The following ATXN10 variants were observed in gnomAD, a reference collection of about 807,000 sequenced individuals.
ATXN10 encodes ataxin-10.
ATXN10 carries 28 observed loss-of-function variants against 52.9 expected under a neutral mutation model. The ratio of observed to expected loss-of-function variants is 0.53; its 90% CI spans 0.39 to 0.73. ATXN10 has a LOEUF of 0.73. Among genes scored for constraint, ATXN10 ranks in the 30% least tolerant of loss-of-function variants. The probability of loss-of-function intolerance (pLI) is 0.00; values close to 1 mark genes in which losing one functional copy is unlikely to be tolerated. For missense variants in ATXN10, 565 were observed against 577.0 expected (o/e 0.98, Z 0.21); for synonymous variants, 226 against 221.5 (o/e 1.02, Z -0.18).
chr22:45,756,157 T>TA (rs1281020033), intron 9 of ATXN10, among the ~76,000 whole-genome samples: 5 of 151,908 alleles, frequency 3.3e-5, no homozygotes, highest in Admixed American at 1.3e-4. Flanking sequence ...CTTTTTTTTT[T>TA]TTTAAAGAGA....
chr22:45,740,253 C>A, intron 8 of ATXN10, 116 bp from the exon 9 acceptor site: 2 of 972,190 alleles, frequency 2.1e-6, no homozygotes, highest in Non-Finnish European at 3.2e-6. Flanking sequence ...ATAAAGCTTT[C>A]TGTGCTCTAC....
In ATXN10 at chr22:45,795,354, GATTCTATTCTATTCTATTCT is replaced by G. The variant is rs60726084; in HGVS notation, c.1174-11554_1174-11535del. On this transcript the variant is annotated intron_variant, in intron 9 of 11. Coordinates refer to ENST00000252934, the MANE Select transcript of ATXN10 (RefSeq NM_013236.4). The surrounding 1 kb of genome is among the most constrained non-coding windows in gnomAD (Gnocchi z 4.6). ...ATCCAACTAAAAGACTACTAGAATGGATTCTATTCTATTCTATTCTATTCTATTCTATTCTATTCTATTCT... is the reference window on the plus strand; with the variant it reads ...ATCCAACTAAAAGACTACTAGAATGGATTCTATTCTATTCTATTCTATTCT... Among the ~76,000 whole-genome samples the G allele has an allele frequency of 3.5e-3, 441 of 126,640 alleles. 1 individual carries two copies. The highest frequency in any genetic ancestry group is 7.6e-3 in the African/African-American group (252 of 33,334). 83.1% of individuals were successfully genotyped at this position (126,640 alleles called of 152,430 possible).
chr22:45,693,210 T>TTCAC, intron 3 of ATXN10, 132 bp downstream of exon 3: 4 of 775,378 alleles, frequency 5.2e-6, no homozygotes, highest in Non-Finnish European at 8.6e-6. Flanking sequence ...TAATAGTGAA[T>TTCAC]TATTAAAGAA....
chr22:45,720,669 C>G (rs2146777455), intron 6 of ATXN10, among the ~76,000 whole-genome samples: 1 of 152,252 alleles, frequency 6.6e-6, no homozygotes, highest in South Asian at 2.1e-4. Flanking sequence ...TGGCTACTAT[C>G]AACAAACTGA....
At chr22:45,729,720 G>T (rs1243232642) in intron 7 of ATXN10, 130 bp downstream of exon 7, 4 of 1,033,374 alleles carry the variant, frequency 3.9e-6, no homozygotes, top group Non-Finnish European at 5.8e-6. Context: ...ATCCATATAT[G>T]AGAATAGTTG....
At chr22:45,760,808 C>G (rs1199970164) in intron 9 of ATXN10, among the ~76,000 whole-genome samples, 1 of 152,014 alleles carries the variant, frequency 6.6e-6, no homozygotes, top group Non-Finnish European at 1.5e-5. Context: ...TCATTTTAAG[C>G]CTCTTAGATT....
rs1319331617 is a variant in ATXN10, at chr22:45,705,457, G to A, written c.647+2610G>A. On this transcript the variant is annotated intron_variant, in intron 5 of 11. Coordinates refer to ENST00000252934, the MANE Select transcript of ATXN10 (RefSeq NM_013236.4). This position sits in a 1 kb window ranked among gnomAD's most constrained non-coding sequence, Gnocchi z 5.2. ...AGGTCTTGGTTTTTTTTTTTGAGACGGAGTCTCACTCTGTTGCCCAGGCTG... is the reference window on the plus strand; with the variant it reads ...AGGTCTTGGTTTTTTTTTTTGAGACAGAGTCTCACTCTGTTGCCCAGGCTG... Among the ~76,000 whole-genome samples, 4 of 150,812 alleles carry A rather than the reference G, an allele frequency of 2.7e-5. No homozygotes were observed. The highest frequency in any genetic ancestry group is 2.1e-4 in the South Asian group (1 of 4,782).
At chr22:45,747,405 A>G (rs1925773802) in intron 9 of ATXN10, among the ~76,000 whole-genome samples, 1 of 152,094 alleles carries the variant, frequency 6.6e-6, no homozygotes, top group Non-Finnish European at 1.5e-5. Context: ...TTGGGAGACT[A>G]AGGTAGGAGG....
At chr22:45,812,382 C>G (rs566874962) in intron 10 of ATXN10, among the ~76,000 whole-genome samples, 2 of 152,050 alleles carry the variant, frequency 1.3e-5, no homozygotes, top group East Asian at 3.9e-4. Flanking sequence ...AGATAGATAC[C>G]TGAATGGGAA....
intron 10 of ATXN10, chr22:45,811,890 A>C (rs1484224933): frequency 4.6e-6 from 2 of 431,356 alleles, no homozygotes; most frequent in African/African-American, 4.0e-5. Flanking sequence ...ACCACCTTGC[A>C]TAAGCATGCC....
intron 7 of ATXN10, 98 bp downstream of exon 7, chr22:45,729,688 A>G: frequency 7.6e-7 from 1 of 1,323,126 alleles, no homozygotes. Context: ...AAAAGCTTTA[A>G]AAAATATTAT....
intron 5 of ATXN10, among the ~76,000 whole-genome samples, chr22:45,714,484 A>G (rs1302951457): frequency 6.6e-6 from 1 of 151,966 alleles, no homozygotes; most frequent in Non-Finnish European, 1.5e-5. Context: ...AGGCTCAAGT[A>G]ATCTTCCCTC....
chr22:45,843,223 A>T lies in ATXN10; in HGVS notation c.1425+45A>T, dbSNP rs1301736589. The T allele has an allele frequency of 6.3e-7, 1 of 1,599,878 alleles. No homozygotes were observed. Among genetic ancestry groups the T allele is most frequent in the Non-Finnish European group, 8.6e-7 (1 of 1,167,876 alleles). ...CTGTCCTTCCCTTTGGTTTGTAGAAAGCTGTTTCCACTTCCCCATTGCTTC... is the reference window on the plus strand; with the variant it reads ...CTGTCCTTCCCTTTGGTTTGTAGAATGCTGTTTCCACTTCCCCATTGCTTC... On this transcript the variant is annotated intron_variant, in intron 11 of 11. Transcript: ENST00000252934. The surrounding 1 kb of genome is among the most constrained non-coding windows in gnomAD (Gnocchi z 4.5).
At chr22:45,694,370 G>A (rs1166932915) in intron 3 of ATXN10, among the ~76,000 whole-genome samples, 1 of 151,980 alleles carries the variant, frequency 6.6e-6, no homozygotes, top group East Asian at 1.9e-4. Flanking sequence ...TCTTAATGTA[G>A]GCTGGGTGCC....
In ATXN10 at chr22:45,843,674, G is replaced by T. The variant is rs941815704; in HGVS notation, c.*3G>T. Reference sequence around the variant, plus strand: ...GTTTCTTTCTTCTTCTTTAGTGAATGAACTACATCCAAATACCTGAATTTT... The same window carrying T: ...GTTTCTTTCTTCTTCTTTAGTGAATTAACTACATCCAAATACCTGAATTTT... On this transcript the variant is annotated 3_prime_UTR_variant, in exon 12 of 12. Coordinates refer to ENST00000252934, the MANE Select transcript of ATXN10 (RefSeq NM_013236.4). The surrounding 1 kb of genome is among the most constrained non-coding windows in gnomAD (Gnocchi z 4.5). 4 of 1,611,892 alleles carry T rather than the reference G, an allele frequency of 2.5e-6. No individual in the cohort carries two copies. The African/African-American group carries it at 4.0e-5, about 16-fold the overall frequency.
intron 9 of ATXN10, among the ~76,000 whole-genome samples, chr22:45,748,165 C>T (rs1046709993): frequency 4.0e-5 from 6 of 151,224 alleles, no homozygotes; most frequent in African/African-American, 1.2e-4. Context: ...GGCAACAGAG[C>T]GAGACTCTGT....
intron 6 of ATXN10, among the ~76,000 whole-genome samples, chr22:45,723,656 C>G (rs73441179): frequency 0.013 from 1,946 of 152,174 alleles, 46 homozygotes; most frequent in African/African-American, 0.045. Context: ...GAGTTCTTCA[C>G]TTAGAATAAT....
rs1314748049 is a variant in ATXN10 at position 45,840,861 on chromosome 22, T to A, written c.1238-2130T>A. ...GCTTCTTTCATTTACCATTAGAGAG[T>A]TATACTCATGAACAAAAATTCCCCA... is the stretch of plus-strand genomic sequence containing the variant. On this transcript the variant is annotated intron_variant, in intron 10 of 11. Coordinates refer to ENST00000252934, the MANE Select transcript of ATXN10 (RefSeq NM_013236.4). The surrounding 1 kb of genome is among the most constrained non-coding windows in gnomAD (Gnocchi z 5.8). Among the ~76,000 whole-genome samples the A allele has an allele frequency of 6.6e-6, 1 of 152,176 alleles. No homozygotes were observed. The highest frequency in any genetic ancestry group is 1.5e-5 in the Non-Finnish European group (1 of 68,034).
At chr22:45,734,357 G>A (rs751146046) in intron 7 of ATXN10, 2 of 258,572 alleles carry the variant, frequency 7.7e-6, no homozygotes, top group South Asian at 3.7e-5. Flanking sequence ...TCTTTAAAAT[G>A]CATTTATTAA....
Sources: gnomAD v4.1 joint callset for allele counts (sites outside exome capture counted in the v4.1 genomes callset) on GRCh38, gnomAD v4.1.1 for gene constraint, Gnocchi (gnomAD v3.1) non-coding constraint, MANE v1.5 for transcripts, NCBI Gene and HGNC (gene_info 2026-07-23, HGNC 2026-07-21) for gene names.